ANKS1B: variants seen among roughly 807,000 people sequenced by gnomAD.
The protein encoded by ANKS1B is ankyrin repeat and sterile alpha motif domain containing 1B, also known as ankyrin repeat and sterile alpha motif domain-containing protein 1B.
Under a neutral mutation model 148.3 loss-of-function variants are expected in ANKS1B, and 36 were observed. The observed-to-expected ratio is 0.24, with a 90% CI of 0.19 to 0.32. The LOEUF (loss-of-function observed/expected upper bound fraction) is 0.32, where lower values mean the gene tolerates loss of function less well. ANKS1B is among the 10% of genes least tolerant of loss of function. The pLI is 1.00. For missense variants in ANKS1B, 1,157 were observed against 1,542.6 expected, an observed-to-expected ratio of 0.75 and a Z score of 4.19; for synonymous variants, 542 against 560.8, an observed-to-expected ratio of 0.97 and a Z score of 0.47.
Position 98,807,230 on chromosome 12 carries a change from G to A in ANKS1B, c.3141+614C>T, listed in dbSNP as rs116413250. On this transcript the variant is annotated intron_variant, in intron 20 of 26. Coordinates refer to ENST00000683438, the MANE Select transcript of ANKS1B (RefSeq NM_001352186.2). ...GAACATTTGAAAATCATGCAGCTCA[G>A]AGTAAAATGGGTCACAATTTCATAC... Among the ~76,000 whole-genome samples, 963 of 152,254 alleles carry A rather than the reference G, an allele frequency of 6.3e-3. 14 individuals carry two copies. The highest frequency in any genetic ancestry group is 0.022 in the African/African-American group (918 of 41,558).
Position 99,236,411 on chromosome 12 carries a change from C to A in ANKS1B, c.2419+7931G>T, listed in dbSNP as rs540665715. On this transcript the variant is annotated intron_variant, in intron 14 of 26. Transcript: ENST00000683438. ...GGAAACTTACAATCATGGTGGAAGG[C>A]AAAGGGGAAGCAAGGCACATCTTAC... Among the ~76,000 whole-genome samples the A allele has an allele frequency of 9.7e-4, 148 of 152,212 alleles. 1 individual carries two copies. Among genetic ancestry groups the A allele is most frequent in the African/African-American group, 3.3e-3 (137 of 41,540 alleles).
At chr12:99,573,333 T>C (rs1299114882) in intron 9 of ANKS1B, among the ~76,000 whole-genome samples, 3 of 152,132 alleles carry the variant, frequency 2.0e-5, no homozygotes, top group Admixed American at 1.3e-4. Context: ...TACTCTCTTA[T>C]AAAAATATCT....
intron 10 of ANKS1B, among the ~76,000 whole-genome samples, chr12:99,467,324 G>A (rs2152887687): frequency 6.6e-6 from 1 of 152,278 alleles, no homozygotes; most frequent in Non-Finnish European, 1.5e-5. Flanking sequence ...CAAACCCACA[G>A]CCAATACCAT....
chr12:99,640,590 A>G (rs900587210), intron 9 of ANKS1B, among the ~76,000 whole-genome samples: 3 of 152,194 alleles, frequency 2.0e-5, no homozygotes, highest in African/African-American at 7.2e-5. Context: ...GACAGATGCC[A>G]GCACCCTGAT....
Position 99,348,745 on chromosome 12 carries a change from G to A in ANKS1B, c.1756+50886C>T, listed in dbSNP as rs76605717. Among the ~76,000 whole-genome samples, 1,086 of 151,950 alleles carry A rather than the reference G, an allele frequency of 7.1e-3. 13 individuals carry two copies. Among genetic ancestry groups the A allele is most frequent in the African/African-American group, 0.025 (1,028 of 41,524 alleles). ...TTTAGACATTCACAAATAAACAAAA[G>A]GTGAAGGAGTTTTTCACTAACAGAC... On this transcript the variant is annotated intron_variant, in intron 12 of 26. Transcript: ENST00000683438.
At chr12:99,685,849 G>A (rs975474463) in intron 8 of ANKS1B, among the ~76,000 whole-genome samples, 1 of 152,080 alleles carries the variant, frequency 6.6e-6, no homozygotes, top group African/African-American at 2.4e-5. Context: ...GATGGAGTTG[G>A]AGACCATTAC....
downstream of ANKS1B, among the ~76,000 whole-genome samples, chr12:98,743,538 A>G (rs193204599): frequency 6.6e-6 from 1 of 150,960 alleles, no homozygotes; most frequent in Non-Finnish European, 1.5e-5. Flanking sequence ...GCCGCCTCTC[A>G]TCTGCCCCCT....
intron 9 of ANKS1B, among the ~76,000 whole-genome samples, chr12:99,577,121 T>C (rs903700154): frequency 2.0e-5 from 3 of 151,830 alleles, no homozygotes; most frequent in African/African-American, 7.2e-5. Context: ...ACCCTGAATC[T>C]CAAGACCTAG....
Position 99,921,785 on chromosome 12 carries a change from C to A in ANKS1B, c.134+62319G>T, listed in dbSNP as rs139906674. On this transcript the variant is annotated intron_variant, in intron 1 of 26. Transcript: ENST00000683438. ...AACTCTGCCATTAGTAAACAACACA[C>A]ACTAATATTTTGCTTCTATGAAAAT... 2.0e-3 allele frequency among the ~76,000 whole-genome samples: 312 copies of A among 152,256 alleles called. 3 individuals are homozygous for A. The highest frequency in any genetic ancestry group is 7.3e-3 in the African/African-American group (303 of 41,556).
chr12:99,630,642 G>T (rs925302930), intron 9 of ANKS1B, among the ~76,000 whole-genome samples: 1 of 152,056 alleles, frequency 6.6e-6, no homozygotes, highest in Non-Finnish European at 1.5e-5. Context: ...CACATCTAAG[G>T]GAATTATTAT....
intron 1 of ANKS1B, among the ~76,000 whole-genome samples, chr12:99,863,249 GT>G (rs1170040523): frequency 6.6e-6 from 1 of 151,832 alleles, no homozygotes; most frequent in East Asian, 1.9e-4. Context: ...GATCTCCTTT[GT>G]ACCTTTAAGT....
intron 6 of ANKS1B, 57 bp downstream of exon 6, chr12:99,779,814 A>C: frequency 7.7e-7 from 1 of 1,299,580 alleles, no homozygotes; most frequent in Non-Finnish European, 1.1e-6. Context: ...AAACTGTAAC[A>C]GTTTTAATCT....
chr12:99,192,425 A>G (rs1601565263), intron 14 of ANKS1B, among the ~76,000 whole-genome samples: 1 of 152,196 alleles, frequency 6.6e-6, no homozygotes, highest in South Asian at 2.1e-4. Context: ...CACATTAATT[A>G]TTCATGATTT....
intron 1 of ANKS1B, among the ~76,000 whole-genome samples, chr12:99,954,962 C>A (rs1199390154): frequency 6.6e-6 from 1 of 152,222 alleles, no homozygotes; most frequent in Non-Finnish European, 1.5e-5. Flanking sequence ...TGCTCCTGAT[C>A]TCCTACATTC....
At chr12:98,748,058 T>C (rs1006286328) in intron 26 of ANKS1B, among the ~76,000 whole-genome samples, 1 of 152,314 alleles carries the variant, frequency 6.6e-6, no homozygotes, top group African/African-American at 2.4e-5. Flanking sequence ...TGACTGTAGT[T>C]AACAACAATT....
At chr12:99,341,679 T>C (rs772191103) in intron 12 of ANKS1B, among the ~76,000 whole-genome samples, 6 of 152,110 alleles carry the variant, frequency 3.9e-5, no homozygotes, top group Non-Finnish European at 8.8e-5. Flanking sequence ...ATATAATGGA[T>C]ACAGAATGGG....
intron 15 of ANKS1B, 114 bp downstream of exon 15, chr12:99,154,175 C>T: frequency 7.7e-7 from 1 of 1,299,970 alleles, no homozygotes; most frequent in African/African-American, 1.5e-5. Context: ...AATGCAGTTA[C>T]ATATATAAAT....
At chr12:99,967,020 C>T (rs2095492393) in intron 1 of ANKS1B, among the ~76,000 whole-genome samples, 1 of 152,134 alleles carries the variant, frequency 6.6e-6, no homozygotes, top group African/African-American at 2.4e-5. Context: ...TTGGTGCCTA[C>T]AGTTACACCA....
At chr12:99,122,393 C>T (rs1566230851) in intron 15 of ANKS1B, among the ~76,000 whole-genome samples, 1 of 152,146 alleles carries the variant, frequency 6.6e-6, no homozygotes, top group Non-Finnish European at 1.5e-5. Context: ...AACTGAAACT[C>T]TATCAAAAGC....
Sources: gnomAD v4.1 joint callset for allele counts (sites outside exome capture counted in the v4.1 genomes callset) on GRCh38, gnomAD v4.1.1 for gene constraint, MANE v1.5 for transcripts, NCBI Gene and HGNC (gene_info 2026-07-23, HGNC 2026-07-21) for gene names.